NPHS1: variants seen among roughly 807,000 people sequenced by gnomAD.
NPHS1 encodes nephrin.
NPHS1 carries 107 observed loss-of-function variants against 139.7 expected under a neutral mutation model. The observed-to-expected ratio is 0.77, with a 90% confidence interval of 0.66 to 0.90. The LOEUF is 0.90. NPHS1 is among the 40% of genes least tolerant of loss of function. The pLI, the probability that NPHS1 is intolerant of heterozygous loss-of-function variation, is 0.00. For synonymous variants in NPHS1, 707 were observed against 706.6 expected (o/e 1.00, Z -0.01); for missense variants, 1,580 against 1,654.2 (o/e 0.96, Z 0.78).
chr19:35,847,584 G>A (rs1193112875), intron 11 of NPHS1, among the ~76,000 whole-genome samples: 4 of 146,458 alleles, frequency 2.7e-5, no homozygotes, highest in African/African-American at 7.6e-5. Flanking sequence ...TCTAACTCCC[G>A]ACTTCAGGTG....
Position 35,852,000 on chromosome 19 carries a change from TGTGA to T in NPHS1, c.-167_-164del, listed in dbSNP as rs1488577419. On this transcript the variant is annotated 5_prime_UTR_variant, in exon 1 of 29. Transcript: ENST00000378910. ...CTCGTTTTCCTCTTCCCCTCTTCCC[TGTGA>T]GTATCTCTCTCTGTCTTGCTCTCAG... 1.3e-5 allele frequency among the ~76,000 whole-genome samples: 2 copies of T among 152,142 alleles called. No individual in the cohort carries two copies. The highest frequency in any genetic ancestry group is 6.5e-5 in the Admixed American group (1 of 15,280).
At position 35,851,555 on chromosome 19, in the gene NPHS1, C is replaced by T. The variant is rs1216664192; in HGVS notation, c.176G>A (p.Gly59Asp). ...ATCTTTGGCCCATTGCACCGCACTG[C>T]CAGGGGTGCTGACCCCACAACGCAG... ...VELRCGVSTP[G>D]SAVQWAKDGL... is the part of the protein sequence containing the mutation. The change falls in exon 2 of 29, where the codon GGC becomes GAC. Residue 59 changes from glycine to aspartate, a missense_variant. By Grantham distance (94) the Gly-to-Asp change is moderately conservative. Transcript: ENST00000378910. 6.2e-7 allele frequency: 1 copy of T among 1,613,814 alleles called. No homozygotes were observed. Among genetic ancestry groups the T allele is most frequent in the African/African-American group, 1.3e-5 (1 of 74,914 alleles).
Position 35,841,724 on chromosome 19 carries a change from CA to C in NPHS1, c.2805del (p.Val936SerfsTer12). On this transcript the variant is annotated frameshift_variant, in exon 20 of 29. Transcript: ENST00000378910. LOFTEE classifies it high-confidence loss of function. ...CACAGCCCCTCCATACTGATGCTGACAAGTTGAATGTTGGTTTGGTCCGAGC... is the reference window on the plus strand; with the variant it reads ...CACAGCCCCTCCATACTGATGCTGACAGTTGAATGTTGGTTTGGTCCGAGC... ...ALGSDQTNIQ[L>X]VSISRPDPPS... 1 of 1,614,184 alleles carries C rather than the reference CA, an allele frequency of 6.2e-7. No homozygotes were observed. Among genetic ancestry groups the C allele is most frequent in the Non-Finnish European group, 8.5e-7 (1 of 1,180,034 alleles).
intron 23 of NPHS1, among the ~76,000 whole-genome samples, chr19:35,833,068 A>G (rs62109661): frequency 0.072 from 9,785 of 135,186 alleles, 384 homozygotes; most frequent in South Asian, 0.1. Context: ...TTTTTTTTGT[A>G]TTTTTAATAG....
chr19:35,846,115 C>G lies in NPHS1; in HGVS notation c.1520G>C (p.Ser507Thr), dbSNP rs1226912483. 2 of 1,597,660 alleles carry G rather than the reference C, an allele frequency of 1.3e-6. No homozygotes were observed. Among genetic ancestry groups the G allele is most frequent in the African/African-American group, 2.7e-5 (2 of 74,760 alleles). ...VHLGSVEKSG[S>T]TFSRELVLVT... ...CAGCACCAGCTCTCGGGAGAAGGTG[C>G]TCCCAGATTTCTCCACGCTGCCGAG... is the stretch of plus-strand genomic sequence containing the variant. Residue 507 changes from serine (S) to threonine (T), a missense_variant, in exon 12 of 29, where the codon AGC becomes ACC. Coordinates refer to ENST00000378910, the MANE Select transcript of NPHS1 (RefSeq NM_004646.4).
chr19:35,840,852 C>CTTT (rs746031842), intron 20 of NPHS1, among the ~76,000 whole-genome samples: 1 of 128,380 alleles, frequency 7.8e-6, no homozygotes, highest in Non-Finnish European at 1.7e-5. Context: ...TCACGCCCGG[C>CTTT]TTTTTTTTTT....
At chr19:35,844,601 C>T in intron 14 of NPHS1, 142 bp from the exon 15 acceptor site, 1 of 838,920 alleles carries the variant, frequency 1.2e-6, no homozygotes, top group South Asian at 1.6e-5. Flanking sequence ...AAGTTCAGAG[C>T]TAAGCTCAGG....
intron 20 of NPHS1, 123 bp from the exon 21 acceptor site, chr19:35,839,730 A>C (rs1156471100): frequency 1.3e-4 from 104 of 785,468 alleles, no homozygotes; most frequent in Non-Finnish European, 1.9e-4. Flanking sequence ...TAGCATACTC[A>C]TGTTCTGTAA....
In NPHS1 at chr19:35,825,706, G is replaced by A. The variant is rs1025559795; in HGVS notation, c.*808C>T. Reference sequence around the variant, plus strand: ...TTGTCTGTTTATTTTAATGCTTATGGAGCATACTTATGTTTACATGTGTCA... The same window carrying A: ...TTGTCTGTTTATTTTAATGCTTATGAAGCATACTTATGTTTACATGTGTCA... On this transcript the variant is annotated 3_prime_UTR_variant, in exon 29 of 29. Coordinates refer to ENST00000378910, the MANE Select transcript of NPHS1 (RefSeq NM_004646.4). Among the ~76,000 whole-genome samples, 1 of 152,040 alleles carries A rather than the reference G, an allele frequency of 6.6e-6. No individual in the cohort carries two copies. The highest frequency in any genetic ancestry group is 1.5e-5 in the Non-Finnish European group (1 of 68,012).
In NPHS1 at chr19:35,846,169, C is replaced by T; in HGVS notation, c.1466G>A (p.Arg489Gln). The change falls in exon 12 of 29, where the codon CGG becomes CAG. Residue 489 changes from arginine (R) to glutamine (Q), a missense_variant. Transcript: ENST00000378910. ...CACGCGCCGCGACTCCTGCGGCAGCCGCGACTCGGTCACGGTGCGCGAGTC... is the reference window on the plus strand; with the variant it reads ...CACGCGCCGCGACTCCTGCGGCAGCTGCGACTCGGTCACGGTGCGCGAGTC... ...YKDSRTVTES[R>Q]LPQESRRVHL... is the part of the protein sequence containing the mutation. 1 of 1,595,510 alleles carries T rather than the reference C, an allele frequency of 6.3e-7. No homozygotes were observed. The highest frequency in any genetic ancestry group is 1.3e-5 in the African/African-American group (1 of 74,740).
intron 28 of NPHS1, among the ~76,000 whole-genome samples, chr19:35,828,798 G>A (rs186822859): frequency 1.3e-5 from 2 of 152,156 alleles, no homozygotes; most frequent in African/African-American, 4.8e-5. Flanking sequence ...ACTACTATCC[G>A]GCCCTGTTCG....
In NPHS1 at chr19:35,851,784, A is replaced by G; in HGVS notation, c.54T>C (p.Thr18=). The G allele has an allele frequency of 6.4e-7, 1 of 1,553,670 alleles. No homozygotes were observed. Among genetic ancestry groups the G allele is most frequent in the East Asian group, 2.4e-5 (1 of 41,158 alleles). ...CAAGGCTGGGATCCCACTCACCTTC[A>G]GTCAGCAGCCCCAGGAGCAGGAGAG... The part of the protein sequence containing the change: ...RASLLLLGLL[T]EGLAQLAIPA... The change falls in exon 1 of 29, where the codon ACT becomes ACC. Residue 18 remains threonine, a synonymous_variant. Coordinates refer to ENST00000378910, the MANE Select transcript of NPHS1 (RefSeq NM_004646.4).
chr19:35,839,729 C>G, intron 20 of NPHS1, 122 bp from the exon 21 acceptor site: 2 of 792,888 alleles, frequency 2.5e-6, no homozygotes, highest in East Asian at 2.7e-5. Flanking sequence ...ATAGCATACT[C>G]ATGTTCTGTA....
Position 35,841,797 on chromosome 19 carries a change from G to A in NPHS1, c.2733C>T (p.Ala911=), listed in dbSNP as rs542589425. The stretch of plus-strand genomic sequence containing the variant: ...ATGTGAAGAGGGCGTAATCCTGGGC[G>A]GCAGACACGTTGGCAATGGTCAGGA... The part of the protein sequence containing the change: ...SSLLTIANVS[A]AQDYALFTCT... Residue 911 remains alanine (A), a synonymous_variant, in exon 20 of 29, where the codon GCC becomes GCT. Transcript: ENST00000378910. 2.0e-5 allele frequency: 32 copies of A among 1,614,168 alleles called. No individual in the cohort carries two copies. The highest frequency in any genetic ancestry group is 1.8e-4 in the East Asian group (8 of 44,880).
chr19:35,845,058 A>T lies in NPHS1; in HGVS notation c.1930+310T>A, dbSNP rs1489349108. Among the ~76,000 whole-genome samples the T allele has an allele frequency of 6.6e-6, 1 of 152,194 alleles. No individual in the cohort carries two copies. Among genetic ancestry groups the T allele is most frequent in the East Asian group, 1.9e-4 (1 of 5,198 alleles). On this transcript the variant is annotated intron_variant, in intron 14 of 28. Coordinates refer to ENST00000378910, the MANE Select transcript of NPHS1 (RefSeq NM_004646.4). This position sits in a 1 kb window ranked among gnomAD's most constrained non-coding sequence, Gnocchi z 5.5. ...CAACGCAGGAGAACTGCTTGAGCCC[A>T]GGGGTTCAAGACCAGCCTGGGCAAC...
chr19:35,849,535 C>T lies in NPHS1; in HGVS notation c.712+15G>A, dbSNP rs1321910767. 2 of 1,610,140 alleles carry T rather than the reference C, an allele frequency of 1.2e-6. No homozygotes were observed. Among genetic ancestry groups the T allele is most frequent in the Non-Finnish European group, 1.7e-6 (2 of 1,176,418 alleles). On this transcript the variant is annotated intron_variant, in intron 6 of 28. Coordinates refer to ENST00000378910, the MANE Select transcript of NPHS1 (RefSeq NM_004646.4). Reference sequence around the variant, plus strand: ...CCCATCCTCAGCGCCCTAGTTGGCCCAGTTCTCCACTTACACAGAACATTC... The same window carrying T: ...CCCATCCTCAGCGCCCTAGTTGGCCTAGTTCTCCACTTACACAGAACATTC...
rs34736717 is a variant in NPHS1 at position 35,839,375 on chromosome 19, C to G, written c.2971G>C (p.Val991Leu). The change falls in exon 22 of 29, where the codon GTA becomes CTA. Residue 991 changes from valine (V) to leucine (L), a missense_variant. Coordinates refer to ENST00000378910, the MANE Select transcript of NPHS1 (RefSeq NM_004646.4). ...GTGAAGGTGGTGGCCTGGGGTGGTA[C>G]GACATCCACATAGTGGAACCCTGGA... ...GTPGFHYVDV[V>L]PPQATTFTLT... 7.4e-3 allele frequency: 12,001 copies of G among 1,614,086 alleles called. 762 individuals are homozygous for G. The African/African-American group carries it at 0.14, about 19-fold the overall frequency.
At chr19:35,833,173 C>T (rs2284151) in intron 23 of NPHS1, among the ~76,000 whole-genome samples, 34,645 of 151,626 alleles carry the variant, frequency 0.23, 4,116 homozygotes, top group Middle Eastern at 0.3. Context: ...GCATTATAGG[C>T]GCGAGCCACC....
rs1973059395 is a variant in NPHS1 at position 35,841,773 on chromosome 19, T to C, written c.2757A>G (p.Thr919=). 2 of 1,614,144 alleles carry C rather than the reference T, an allele frequency of 1.2e-6. No homozygotes were observed. Among genetic ancestry groups the C allele is most frequent in the Non-Finnish European group, 1.7e-6 (2 of 1,180,032 alleles). ...AGCCAAGGGCGTTGGTGGCTGTACA[T>C]GTGAAGAGGGCGTAATCCTGGGCGG... ...VSAAQDYALF[T]CTATNALGSD... is the part of the protein sequence containing the mutation. Residue 919 remains threonine (T), a synonymous_variant, in exon 20 of 29, where the codon ACA becomes ACG. Transcript: ENST00000378910.
Sources: allele counts gnomAD v4.1 joint callset (sites outside exome capture counted in the v4.1 genomes callset), GRCh38; gene constraint gnomAD v4.1.1; non-coding constraint Gnocchi (gnomAD v3.1); transcripts MANE v1.5; gene names NCBI Gene and HGNC (gene_info 2026-07-23, HGNC 2026-07-21).